The following IL31RA variants were observed in gnomAD, a reference collection of about 807,000 sequenced individuals.
IL31RA encodes interleukin-31 receptor subunit alpha.
Under a neutral mutation model 83.7 loss-of-function variants are expected in IL31RA, and 66 were observed. That is an observed-to-expected ratio of 0.79 (90% CI 0.65 to 0.97). IL31RA has a LOEUF of 0.97. Among genes scored for constraint, IL31RA ranks in the 50% least tolerant of loss-of-function variants. IL31RA has a pLI of 0.00. For synonymous variants in IL31RA, 325 were observed against 329.0 expected (o/e 0.99, Z 0.13); for missense variants, 798 against 919.4 (o/e 0.87, Z 1.71).
chr5:55,916,184 C>G (rs567181813), intron 14 of IL31RA, among the ~76,000 whole-genome samples: 25 of 152,126 alleles, frequency 1.6e-4, no homozygotes, highest in Non-Finnish European at 3.1e-4. Flanking sequence ...AGTTTAAGAC[C>G]AGCCTGGGTA....
In IL31RA at chr5:55,917,491, C is replaced by G. The variant is rs990110492; in HGVS notation, c.*371C>G. The stretch of plus-strand genomic sequence containing the variant: ...AATTGGGTCATGGTCCCAGCCTTTG[C>G]TGGGGCTGAGCCTCAGAGTTCCAGA... On this transcript the variant is annotated 3_prime_UTR_variant, in exon 15 of 15. Coordinates refer to ENST00000652347, the MANE Select transcript of IL31RA (RefSeq NM_139017.7). Among the ~76,000 whole-genome samples, 2 of 152,134 alleles carry G rather than the reference C, an allele frequency of 1.3e-5. No individual in the cohort carries two copies. Among genetic ancestry groups the G allele is most frequent in the African/African-American group, 4.8e-5 (2 of 41,420 alleles).
At chr5:55,845,036 C>G in the IL31RA span, among the ~76,000 whole-genome samples, 1 of 152,176 alleles carries the variant, frequency 6.6e-6, no homozygotes, top group Non-Finnish European at 1.5e-5. Flanking sequence ...TCCACTCACC[C>G]TTAGCATATT....
At chr5:55,850,003 C>T (rs1246596666), upstream of IL31RA, among the ~76,000 whole-genome samples, 1 of 152,144 alleles carries the variant, frequency 6.6e-6, no homozygotes, top group African/African-American at 2.4e-5. Context: ...GGTAGAGCAT[C>T]CTAGGTGAGA....
At chr5:55,908,659 A>G (rs1214553138) in intron 11 of IL31RA, 1 of 1,528,926 alleles carries the variant, frequency 6.5e-7, no homozygotes, top group African/African-American at 1.4e-5. Flanking sequence ...AGTTGTTATA[A>G]TTTGTCCTGG....
intron 4 of IL31RA, among the ~76,000 whole-genome samples, chr5:55,882,643 TGA>T (rs1747312379): frequency 6.6e-6 from 1 of 152,084 alleles, no homozygotes. Context: ...GCAAGGAAAA[TGA>T]GAGTTATTTT....
At chr5:55,873,534 A>G (rs78072132) in intron 4 of IL31RA, among the ~76,000 whole-genome samples, 8,246 of 152,188 alleles carry the variant, frequency 0.054, 478 homozygotes, top group African/African-American at 0.15. Context: ...TATAAAGGTT[A>G]CAATTTCTGC....
intron 8 of IL31RA, among the ~76,000 whole-genome samples, chr5:55,904,529 G>A (rs1211359946): frequency 6.6e-6 from 1 of 152,214 alleles, no homozygotes; most frequent in Non-Finnish European, 1.5e-5. Flanking sequence ...TGTGCTTCTT[G>A]CCCCGGCCTC....
intron 4 of IL31RA, among the ~76,000 whole-genome samples, chr5:55,880,923 C>T (rs1747170572): frequency 6.6e-6 from 1 of 152,154 alleles, no homozygotes. Flanking sequence ...CAGTTCTTGC[C>T]TCCTCGGAAG....
intron 2 of IL31RA, among the ~76,000 whole-genome samples, chr5:55,860,785 T>C (rs1477660111): frequency 6.6e-6 from 1 of 152,230 alleles, no homozygotes; most frequent in Admixed American, 6.5e-5. Context: ...GAAGGCGTCA[T>C]GTAGCGTATT....
intron 6 of IL31RA, among the ~76,000 whole-genome samples, chr5:55,895,238 G>A (rs1227331669): frequency 6.6e-6 from 1 of 152,076 alleles, no homozygotes; most frequent in East Asian, 1.9e-4. Context: ...CCAAATCGTG[G>A]GCCGCTAGCC....
At chr5:55,900,925 A>G (rs1748768557) in intron 8 of IL31RA, among the ~76,000 whole-genome samples, 1 of 152,140 alleles carries the variant, frequency 6.6e-6, no homozygotes, top group Non-Finnish European at 1.5e-5. Flanking sequence ...TTAAAATAGC[A>G]TAGAGCAGTT....
intron 2 of IL31RA, among the ~76,000 whole-genome samples, chr5:55,867,255 G>A (rs1219653051): frequency 1.7e-4 from 4 of 23,080 alleles, no homozygotes; most frequent in Admixed American, 6.5e-4. Context: ...TTGTGTGTGC[G>A]TGTGTTTGTG....
At chr5:55,854,869 C>T (rs1374150167) in intron 1 of IL31RA, among the ~76,000 whole-genome samples, 1 of 152,076 alleles carries the variant, frequency 6.6e-6, no homozygotes, top group Non-Finnish European at 1.5e-5. Context: ...AGATAGTATA[C>T]ATGAAAGTGC....
chr5:55,901,288 T>A (rs1277615099), intron 8 of IL31RA, among the ~76,000 whole-genome samples: 1 of 152,164 alleles, frequency 6.6e-6, no homozygotes, highest in African/African-American at 2.4e-5. Flanking sequence ...CACACATTCT[T>A]TATTAATAGA....
Position 55,859,561 on chromosome 5 carries a change from T to G in IL31RA, c.116T>G (p.Leu39Arg). 1 of 1,612,934 alleles carries G rather than the reference T, an allele frequency of 6.2e-7. No individual in the cohort carries two copies. The change falls in exon 2 of 15, where the codon CTG becomes CGG. Residue 39 changes from leucine (L) to arginine (R), a missense_variant. Coordinates refer to ENST00000652347, the MANE Select transcript of IL31RA (RefSeq NM_139017.7). ...VNLGMMWTWA[L>R]WMLPSLCKFS... Reference sequence around the variant, plus strand: ...CTGGGGATGATGTGGACCTGGGCACTGTGGATGCTCCCCTCACTCTGCAAA... The same window carrying G: ...CTGGGGATGATGTGGACCTGGGCACGGTGGATGCTCCCCTCACTCTGCAAA...
intron 4 of IL31RA, 119 bp from the exon 5 acceptor site, chr5:55,882,925 T>C: frequency 1.1e-6 from 1 of 926,542 alleles, no homozygotes; most frequent in Non-Finnish European, 1.7e-6. Context: ...GCAAATGCCA[T>C]CTTCGTTCCA....
In IL31RA at chr5:55,890,044, A is replaced by G; in HGVS notation, c.681A>G (p.Thr227=). Residue 227 remains threonine (T), a synonymous_variant, in exon 6 of 15, where the codon ACA becomes ACG. Transcript: ENST00000652347. ...ACCTCACGGGGCTGCAGCCTTTTAC[A>G]GAATATGTCATAGCTCTGCGATGTG... The part of the protein sequence containing the change: ...TYNLTGLQPF[T]EYVIALRCAV... The G allele has an allele frequency of 6.2e-7, 1 of 1,614,118 alleles. No individual in the cohort carries two copies. The highest frequency in any genetic ancestry group is 2.2e-5 in the East Asian group (1 of 44,876).
chr5:55,851,717 G>A, intron 1 of IL31RA, 84 bp downstream of exon 1: 1 of 1,612,524 alleles, frequency 6.2e-7, no homozygotes, highest in Non-Finnish European at 8.5e-7. Flanking sequence ...AATGAGGGTT[G>A]ATTTTACCTA....
At chr5:55,849,018 A>G (rs1744995128), upstream of IL31RA, among the ~76,000 whole-genome samples, 1 of 152,220 alleles carries the variant, frequency 6.6e-6, no homozygotes, top group Admixed American at 6.5e-5. Flanking sequence ...ATTTCCCTTC[A>G]TGGGGAGAGC....
Sources: gnomAD v4.1 joint callset for allele counts (sites outside exome capture counted in the v4.1 genomes callset) on GRCh38, gnomAD v4.1.1 for gene constraint, MANE v1.5 for transcripts, NCBI Gene and HGNC (gene_info 2026-07-23, HGNC 2026-07-21) for gene names.